Variants in TLR6 observed in about 807,000 individuals in gnomAD.
TLR6 encodes toll like receptor 6.
A neutral mutation model predicts 16.1 loss-of-function variants in TLR6; 9 were observed. The observed-to-expected ratio is 0.56, with a 90% CI of 0.34 to 0.98. The LOEUF is 0.98. TLR6 is among the 50% of genes least tolerant of loss of function. The pLI, the probability that TLR6 is intolerant of heterozygous loss-of-function variation, is 0.02. For synonymous variants in TLR6, 340 were observed against 338.6 expected, an observed-to-expected ratio of 1.00 and a Z score of -0.04; for missense variants, 786 against 921.0, an observed-to-expected ratio of 0.85 and a Z score of 1.90.
exon 2 of TLR6, chr4:38,826,984 G>A (rs1375128854): frequency 4.2e-6 from 4 of 944,992 alleles, no homozygotes; most frequent in Non-Finnish European, 6.1e-6. Flanking sequence ...CTGAAGGCAT[G>A]AGGATAATGG....
intron 1 of TLR6, among the ~76,000 whole-genome samples, chr4:38,849,073 T>C (rs1223266479): frequency 1.3e-5 from 2 of 150,074 alleles, no homozygotes; most frequent in Admixed American, 1.3e-4. Flanking sequence ...GACTAACAGC[T>C]GATCTCTCGG....
exon 2 of TLR6, chr4:38,826,980 G>A: frequency 1.1e-6 from 1 of 921,546 alleles, no homozygotes; most frequent in Non-Finnish European, 1.6e-6. Context: ...TTTCCTGAAG[G>A]CATGAGGATA....
chr4:38,861,674 G>C (rs555334934), upstream of TLR6, among the ~76,000 whole-genome samples: 1 of 152,116 alleles, frequency 6.6e-6, no homozygotes, highest in Non-Finnish European at 1.5e-5. Context: ...AGCCTCAAGA[G>C]AGCAGCCATC....
chr4:38,847,024 G>C (rs1174375846), intron 1 of TLR6, among the ~76,000 whole-genome samples: 1 of 152,106 alleles, frequency 6.6e-6, no homozygotes, highest in Non-Finnish European at 1.5e-5. Flanking sequence ...TGAGTAATTA[G>C]GATGTTTCTG....
rs1727700561 is a variant in TLR6 at position 38,829,089 on chromosome 4, A to G, written c.385T>C (p.Ser129Pro). The stretch of plus-strand genomic sequence containing the variant: ...GGCAGGGCCTTGAAATCATTGAATG[A>G]GAGATCTAAATGCCTGAAACTCACA... The change falls in exon 2 of 2, where the codon TCA becomes CCA. Residue 129 changes from serine to proline, a missense_variant. Physicochemically the swap from Ser to Pro is moderately conservative, Grantham distance 74. Coordinates refer to ENST00000436693, the Ensembl canonical transcript of TLR6. 1.2e-6 allele frequency: 2 copies of G among 1,614,080 alleles called. No individual in the cohort carries two copies. The highest frequency in any genetic ancestry group is 1.7e-5 in the Admixed American group (1 of 60,010).
chr4:38,845,703 T>G (rs1712496911), intron 1 of TLR6, among the ~76,000 whole-genome samples: 1 of 151,582 alleles, frequency 6.6e-6, no homozygotes, highest in Admixed American at 6.6e-5. Context: ...AAGACCTGTG[T>G]CAGATTCCTA....
chr4:38,834,887 A>G (rs1711825698), intron 1 of TLR6, among the ~76,000 whole-genome samples: 1 of 152,248 alleles, frequency 6.6e-6, no homozygotes, highest in Non-Finnish European at 1.5e-5. Context: ...AGAAATGCTT[A>G]AGAGAGTAGA....
chr4:38,827,049 T>C, exon 2 of TLR6: 1 of 1,474,860 alleles, frequency 6.8e-7, no homozygotes, highest in Non-Finnish European at 9.1e-7. Context: ...TCCAAGTAAA[T>C]AATGGTTTCT....
chr4:38,830,044 C>T (rs56051942), intron 1 of TLR6, among the ~76,000 whole-genome samples: 3 of 152,330 alleles, frequency 2.0e-5, no homozygotes, highest in South Asian at 4.1e-4. Context: ...AGTCCACTCA[C>T]GTGCCCAAGG....
At chr4:38,824,709 G>T (rs1454408770) in exon 2 of TLR6, 1 of 152,208 alleles carries the variant, frequency 6.6e-6, no homozygotes, top group African/African-American at 2.4e-5. Flanking sequence ...CTCCTGAAGA[G>T]CAAGGAAGGG....
chr4:38,866,361 C>CTG, the TLR6 span, among the ~76,000 whole-genome samples: 1 of 151,492 alleles, frequency 6.6e-6, no homozygotes, highest in African/African-American at 2.4e-5. Context: ...GGTGTGGTGG[C>CTG]ACGCACCTGT....
At chr4:38,829,252 A>G (rs1224522007) in exon 2 of TLR6, 1 of 1,614,190 alleles carries the variant, frequency 6.2e-7, no homozygotes, top group Non-Finnish European at 8.5e-7. Flanking sequence ...ACTCTGATAG[A>G]AAGCTCATGT....
upstream of TLR6, among the ~76,000 whole-genome samples, chr4:38,857,259 G>GT (rs1413313211): frequency 1.9e-4 from 29 of 151,604 alleles, no homozygotes; most frequent in Admixed American, 1.4e-3. Flanking sequence ...CACAATTTGG[G>GT]TTTTTTTTTA....
chr4:38,849,897 T>A (rs987129064), intron 1 of TLR6, among the ~76,000 whole-genome samples: 13 of 152,172 alleles, frequency 8.5e-5, no homozygotes, highest in African/African-American at 3.1e-4. Flanking sequence ...CTAATAGACA[T>A]CTACAGAACT....
chr4:38,823,850 A>C (rs1727418530), exon 2 of TLR6: 1 of 152,296 alleles, frequency 6.6e-6, no homozygotes, highest in African/African-American at 2.4e-5. Context: ...TGGGGCGGGC[A>C]GGTGAGGCAC....
intron 1 of TLR6, among the ~76,000 whole-genome samples, chr4:38,855,742 C>G (rs1712956085): frequency 6.6e-6 from 1 of 152,126 alleles, no homozygotes; most frequent in Non-Finnish European, 1.5e-5. Flanking sequence ...TACCCTGAGG[C>G]AGTTCCTAGG....
chr4:38,856,622 A>G (rs1194485222), intron 1 of TLR6, 139 bp downstream of exon 1: 4 of 152,180 alleles, frequency 2.6e-5, no homozygotes, highest in African/African-American at 9.7e-5. Context: ...AACATCTACA[A>G]AAAAAACCAC....
exon 2 of TLR6, chr4:38,828,198 A>G: frequency 6.2e-7 from 1 of 1,613,988 alleles, no homozygotes; most frequent in Non-Finnish European, 8.5e-7. Flanking sequence ...CTCTCAACCC[A>G]AGTGCAGTTT....
chr4:38,853,190 TGGACAC>T, intron 1 of TLR6, among the ~76,000 whole-genome samples: 1 of 129,004 alleles, frequency 7.8e-6, no homozygotes, highest in East Asian at 2.4e-4. Flanking sequence ...TGAGAACTCT[TGGACAC>T]AGGAAAGGGA....
Sources: allele counts gnomAD v4.1 joint callset (sites outside exome capture counted in the v4.1 genomes callset), GRCh38; gene constraint gnomAD v4.1.1; transcripts MANE v1.5; gene names NCBI Gene and HGNC (gene_info 2026-07-23, HGNC 2026-07-21).